The following ARHGAP8 variants were observed in gnomAD, a reference collection of about 807,000 sequenced individuals.
The protein encoded by ARHGAP8 is Rho GTPase activating protein 8, also known as rho GTPase-activating protein 8.
A neutral mutation model predicts 46.1 loss-of-function variants in ARHGAP8; 62 were observed. The ratio of observed to expected loss-of-function variants is 1.34; its 90% CI spans 1.10 to 1.66. The LOEUF (loss-of-function observed/expected upper bound fraction) is 1.66. ARHGAP8 is among the 40% of genes most tolerant of loss of function. The pLI is 0.00. For synonymous variants in ARHGAP8, 375 were observed against 243.1 expected (o/e 1.54, Z -5.05); for missense variants, 923 against 568.4 (o/e 1.62, Z -6.34).
chr22:44,794,204 T>G (rs930677695), intron 2 of ARHGAP8, among the ~76,000 whole-genome samples: 1 of 152,214 alleles, frequency 6.6e-6, no homozygotes, highest in East Asian at 1.9e-4. Flanking sequence ...CAGCTCACAG[T>G]GCACTTACTG....
intron 10 of ARHGAP8, among the ~76,000 whole-genome samples, chr22:44,857,356 G>A (rs1380816411): frequency 6.6e-6 from 1 of 152,190 alleles, no homozygotes; most frequent in African/African-American, 2.4e-5. Context: ...ACTAGAAACT[G>A]CAGGGAGGGT....
At chr22:44,819,533 A>G (rs935435765) in intron 5 of ARHGAP8, among the ~76,000 whole-genome samples, 2 of 151,964 alleles carry the variant, frequency 1.3e-5, no homozygotes, top group African/African-American at 4.8e-5. Flanking sequence ...ATTAGCGGGG[A>G]GTGGTGGCAG....
chr22:44,770,126 C>T (rs1925888909), intron 1 of ARHGAP8, among the ~76,000 whole-genome samples: 1 of 152,116 alleles, frequency 6.6e-6, no homozygotes, highest in African/African-American at 2.4e-5. Context: ...CACCTGTAAT[C>T]CCAGCTACTC....
intron 10 of ARHGAP8, 48 bp downstream of exon 10, chr22:44,849,108 C>A: frequency 1.2e-6 from 2 of 1,608,826 alleles, no homozygotes; most frequent in South Asian, 1.1e-5. Context: ...TCCTCAGATG[C>A]TGTCCCCCAG....
At chr22:44,827,450 C>T (rs12628721) in intron 7 of ARHGAP8, among the ~76,000 whole-genome samples, 2 of 140,128 alleles carry the variant, frequency 1.4e-5, no homozygotes, top group African/African-American at 5.2e-5. Context: ...TCAAGCAATT[C>T]TCCTGCCTCA....
At position 44,853,367 on chromosome 22, in the gene ARHGAP8, G is replaced by A. The variant is rs919034301; in HGVS notation, c.877+4307G>A. 7.9e-5 allele frequency among the ~76,000 whole-genome samples: 12 copies of A among 152,300 alleles called. No individual in the cohort carries two copies. The East Asian group carries it at 2.3e-3, about 29-fold the overall frequency. On this transcript the variant is annotated intron_variant, in intron 10 of 11. Transcript: ENST00000356099. ...AAGTCTTCCAGCGTCAGCTTTTGGGGCTTTGGGGAAATGGCAGGTTTTAGT... is the reference window on the plus strand; with the variant it reads ...AAGTCTTCCAGCGTCAGCTTTTGGGACTTTGGGGAAATGGCAGGTTTTAGT...
chr22:44,808,335 G>C lies in ARHGAP8; in HGVS notation c.196G>C (p.Val66Leu). 6.2e-7 allele frequency: 1 copy of C among 1,614,212 alleles called. No individual in the cohort carries two copies. ...EYLKYTLDQY[V>L]ENDYTIVYFH... Reference sequence around the variant, plus strand: ...TTTGAAGTACACACTGGACCAATACGTTGAGAACGATTATACCATCGTCTA... The same window carrying C: ...TTTGAAGTACACACTGGACCAATACCTTGAGAACGATTATACCATCGTCTA... Residue 66 changes from valine to leucine, a missense_variant, in exon 4 of 12, where the codon GTT becomes CTT. By Grantham distance (32) the Val-to-Leu change is conservative (BLOSUM62 1). Transcript: ENST00000356099.
chr22:44,794,635 A>G (rs1927946367), intron 2 of ARHGAP8, among the ~76,000 whole-genome samples: 1 of 152,120 alleles, frequency 6.6e-6, no homozygotes, highest in Non-Finnish European at 1.5e-5. Context: ...GCTTGAACCC[A>G]GGAGATGGAG....
At chr22:44,795,050 A>AAAC (rs1555912143) in intron 2 of ARHGAP8, among the ~76,000 whole-genome samples, 7 of 151,872 alleles carry the variant, frequency 4.6e-5, no homozygotes, top group Admixed American at 1.3e-4. Context: ...CAAAAAAAAA[A>AAAC]AAAACAAAAA....
rs367658334 is a variant in ARHGAP8 at position 44,827,665 on chromosome 22, C to T, written c.596+2072C>T. On this transcript the variant is annotated intron_variant, in intron 7 of 11. Coordinates refer to ENST00000356099, the MANE Select transcript of ARHGAP8 (RefSeq NM_181335.3). Reference sequence around the variant, plus strand: ...GCCCATTTGTGTTGTTTTAAGCTACCAAGTTGACGGTAGTTACTGGGACCA... The same window carrying T: ...GCCCATTTGTGTTGTTTTAAGCTACTAAGTTGACGGTAGTTACTGGGACCA... 1.4e-4 allele frequency among the ~76,000 whole-genome samples: 21 copies of T among 152,148 alleles called. No homozygotes were observed. In the East Asian group the frequency reaches 3.3e-3, roughly 24 times the overall value.
chr22:44,862,405 A>C lies in ARHGAP8; in HGVS notation c.1112A>C (p.Glu371Ala), dbSNP rs748433800. Residue 371 changes from glutamate (E) to alanine (A), a missense_variant, in exon 12 of 12, where the codon GAA (glutamate) becomes GCA (alanine). Transcript: ENST00000356099. ...CTTGTGCCCCTGAACATGTTCACTG[A>C]ACTGCTGATCGAGTACTATGAAAAG... is the stretch of plus-strand genomic sequence containing the variant. ...SALVPLNMFT[E>A]LLIEYYEKIF... 3 of 1,614,112 alleles carry C rather than the reference A, an allele frequency of 1.9e-6. No homozygotes were observed. Among genetic ancestry groups the C allele is most frequent in the East Asian group, 2.2e-5 (1 of 44,872 alleles).
At chr22:44,772,231 T>C (rs1926072917) in intron 1 of ARHGAP8, among the ~76,000 whole-genome samples, 1 of 118,856 alleles carries the variant, frequency 8.4e-6, no homozygotes, top group African/African-American at 4.3e-5. Context: ...GCCTTTTTTT[T>C]TTTTTTTTTT....
At chr22:44,809,644 G>T in intron 4 of ARHGAP8, 1 of 163,396 alleles carries the variant, frequency 6.1e-6, no homozygotes, top group Non-Finnish European at 1.3e-5. Flanking sequence ...GCTACTCACC[G>T]CTTGGCCATG....
intron 5 of ARHGAP8, among the ~76,000 whole-genome samples, chr22:44,817,984 G>A (rs986106735): frequency 6.6e-6 from 1 of 152,048 alleles, no homozygotes; most frequent in Non-Finnish European, 1.5e-5. Context: ...GCATGGTGGC[G>A]CGTACCTTAG....
intron 1 of ARHGAP8, among the ~76,000 whole-genome samples, chr22:44,771,019 T>C (rs1465064282): frequency 6.6e-6 from 1 of 152,232 alleles, no homozygotes; most frequent in Non-Finnish European, 1.5e-5. Context: ...TTCACTGTCA[T>C]AATTTTTTCA....
chr22:44,779,770 T>C (rs1202833182), intron 1 of ARHGAP8, among the ~76,000 whole-genome samples: 2 of 151,826 alleles, frequency 1.3e-5, no homozygotes, highest in African/African-American at 4.8e-5. Context: ...GGTTTCACTG[T>C]ATTGGCCAGG....
intron 7 of ARHGAP8, among the ~76,000 whole-genome samples, chr22:44,828,910 CCTTTCTCGTCT>C (rs1930731315): frequency 6.6e-6 from 1 of 151,930 alleles, no homozygotes; most frequent in Non-Finnish European, 1.5e-5. Context: ...TCCAGCCACG[CCTTTCTCGTCT>C]CTTATCTTAT....
chr22:44,824,634 CTTTTT>C (rs10571764), intron 6 of ARHGAP8, among the ~76,000 whole-genome samples: 5 of 131,746 alleles, frequency 3.8e-5, no homozygotes, highest in Admixed American at 7.6e-5. Context: ...TTCTTCTTTT[CTTTTT>C]TTTTTTTTTT....
chr22:44,794,988 T>A (rs565893108), intron 2 of ARHGAP8, among the ~76,000 whole-genome samples: 3 of 144,018 alleles, frequency 2.1e-5, no homozygotes, highest in South Asian at 4.5e-4. Flanking sequence ...CTGCAGTAAG[T>A]TATGATCATG....
Sources: allele counts gnomAD v4.1 joint callset (sites outside exome capture counted in the v4.1 genomes callset), GRCh38; gene constraint gnomAD v4.1.1; transcripts MANE v1.5; gene names NCBI Gene and HGNC (gene_info 2026-07-23, HGNC 2026-07-21).